The following ASB18 variants were observed in gnomAD, a reference collection of about 807,000 sequenced individuals.
ASB18 encodes the protein ankyrin repeat and SOCS box containing 18, also known as ankyrin repeat and SOCS box protein 18.
Under a neutral mutation model 33.4 loss-of-function variants are expected in ASB18, and 33 were observed. That is an observed-to-expected ratio of 0.99 (90% CI 0.75 to 1.32). ASB18 has a LOEUF of 1.32. Among genes scored for constraint, ASB18 ranks in the 40% most tolerant of loss-of-function variants. The probability of loss-of-function intolerance (pLI) is 0.00; values close to 1 mark genes in which losing one functional copy is unlikely to be tolerated. For missense variants in ASB18, 694 were observed against 655.5 expected (o/e 1.06, Z -0.64); for synonymous variants, 295 against 307.6 (o/e 0.96, Z 0.43).
chr2:236,237,362 G>T lies in ASB18; in HGVS notation c.596+327C>A, dbSNP rs1285440994. On this transcript the variant is annotated intron_variant, in intron 3 of 5. Transcript: ENST00000409749. This position sits in a 1 kb window ranked among gnomAD's most constrained non-coding sequence, Gnocchi z 6.2. The stretch of plus-strand genomic sequence containing the variant: ...GGGGGCCGGGGCCGGGGCGCGGGGC[G>T]GGGGCCGGGGCCGGGGCGCGGGGCG... 1.0e-5 allele frequency among the ~76,000 whole-genome samples: 1 copy of T among 97,592 alleles called. No homozygotes were observed. The highest frequency in any genetic ancestry group is 4.6e-3 in the Middle Eastern group (1 of 216). The allele number at this position is 97,592 out of a possible 152,430, so 64.0% of individuals were successfully genotyped here.
At position 236,260,947 on chromosome 2, in the gene ASB18, A is replaced by T. The variant is rs1352593149; in HGVS notation, c.205+3194T>A. On this transcript the variant is annotated intron_variant, in intron 1 of 5. Coordinates refer to ENST00000409749, the MANE Select transcript of ASB18 (RefSeq NM_212556.4). This position sits in a 1 kb window ranked among gnomAD's most constrained non-coding sequence, Gnocchi z 5.1. ...GTGTGGGAAGCACTAATCTAATCTCATACCCTCGTTAATAAATGGAGACGT... is the reference window on the plus strand; with the variant it reads ...GTGTGGGAAGCACTAATCTAATCTCTTACCCTCGTTAATAAATGGAGACGT... Among the ~76,000 whole-genome samples the T allele has an allele frequency of 6.6e-6, 1 of 152,094 alleles. No homozygotes were observed. The highest frequency in any genetic ancestry group is 2.4e-5 in the African/African-American group (1 of 41,414).
rs146792938 is a variant in ASB18, at chr2:236,257,538, CTG to C, written c.205+6601_205+6602del. On this transcript the variant is annotated intron_variant, in intron 1 of 5. Coordinates refer to ENST00000409749, the MANE Select transcript of ASB18 (RefSeq NM_212556.4). The surrounding 1 kb of genome is among the most constrained non-coding windows in gnomAD (Gnocchi z 5.5). ...TGAGATTGTGTGCACGTGTGCATGA[CTG>C]TGTGTGTGCGTGTGTACATATGCAT... Among the ~76,000 whole-genome samples, 224 of 152,266 alleles carry C rather than the reference CTG, an allele frequency of 1.5e-3. No homozygotes were observed. Among genetic ancestry groups the C allele is most frequent in the Admixed American group, 3.5e-3 (53 of 15,290 alleles).
chr2:236,197,500 TC>T (rs2106261725), intron 4 of ASB18, among the ~76,000 whole-genome samples: 1 of 152,332 alleles, frequency 6.6e-6, no homozygotes, highest in South Asian at 2.1e-4. Context: ...ATGCTGCTCT[TC>T]CTCTGTTTTC....
chr2:236,217,658 G>A lies in ASB18; in HGVS notation c.597-2792C>T, dbSNP rs149267424. Among the ~76,000 whole-genome samples the A allele has an allele frequency of 1.0e-3, 158 of 152,176 alleles. 1 individual carries two copies. Among genetic ancestry groups the A allele is most frequent in the African/African-American group, 3.6e-3 (149 of 41,492 alleles). ...CAAGATCATCCATTGAGGGTTTCCCGGCTGCCCTTAAATCCATTTATATTT... is the reference window on the plus strand; with the variant it reads ...CAAGATCATCCATTGAGGGTTTCCCAGCTGCCCTTAAATCCATTTATATTT... On this transcript the variant is annotated intron_variant, in intron 3 of 5. Transcript: ENST00000409749. The surrounding 1 kb of genome is among the most constrained non-coding windows in gnomAD (Gnocchi z 5.2).
chr2:236,237,981 A>G lies in ASB18; in HGVS notation c.329-25T>C. On this transcript the variant is annotated intron_variant, in intron 2 of 5. Transcript: ENST00000409749. The surrounding 1 kb of genome is among the most constrained non-coding windows in gnomAD (Gnocchi z 6.2). Reference sequence around the variant, plus strand: ...CCTGCGGGGAGGGAGGTGGGATGTAAGGTCAGGGGGAGGTTAGTTGTGGTG... The same window carrying G: ...CCTGCGGGGAGGGAGGTGGGATGTAGGGTCAGGGGGAGGTTAGTTGTGGTG... 1 of 1,474,852 alleles carries G rather than the reference A, an allele frequency of 6.8e-7. No homozygotes were observed. Among genetic ancestry groups the G allele is most frequent in the Non-Finnish European group, 8.9e-7 (1 of 1,121,636 alleles). The allele number at this position is 1,474,852 out of a possible 1,614,324, so 91.4% of individuals were successfully genotyped here.
intron 1 of ASB18, among the ~76,000 whole-genome samples, chr2:236,242,764 C>A (rs2060626838): frequency 6.6e-6 from 1 of 150,610 alleles, no homozygotes; most frequent in South Asian, 2.1e-4. Context: ...CTGTGTCTGG[C>A]CAATCCCAGC....
In ASB18 at chr2:236,262,892, G is replaced by T. The variant is rs1313548058; in HGVS notation, c.205+1249C>A. 6.6e-6 allele frequency among the ~76,000 whole-genome samples: 1 copy of T among 152,140 alleles called. No homozygotes were observed. The highest frequency in any genetic ancestry group is 1.5e-5 in the Non-Finnish European group (1 of 68,022). On this transcript the variant is annotated intron_variant, in intron 1 of 5. Coordinates refer to ENST00000409749, the MANE Select transcript of ASB18 (RefSeq NM_212556.4). The surrounding 1 kb of genome is among the most constrained non-coding windows in gnomAD (Gnocchi z 5.2). ...AAGTAGACCCAAACCAAGGGGGGGG[G>T]GCGGACCCCCTCGGAAGTTCCAATC... is the stretch of plus-strand genomic sequence containing the variant.
rs1051336637 is a variant in ASB18 at position 236,263,940 on chromosome 2, G to A, written c.205+201C>T. On this transcript the variant is annotated intron_variant, in intron 1 of 5. Transcript: ENST00000409749. The surrounding 1 kb of genome is among the most constrained non-coding windows in gnomAD (Gnocchi z 4.0). ...GGTAGGATTAGTTTTTTTGTGTTGT[G>A]TTGCACTTGTTGCTTATGTCGCACA... 3.3e-5 allele frequency among the ~76,000 whole-genome samples: 5 copies of A among 152,098 alleles called. No homozygotes were observed. The highest frequency in any genetic ancestry group is 9.7e-5 in the African/African-American group (4 of 41,384).
chr2:236,210,681 C>G (rs979237736), intron 4 of ASB18: 1 of 152,298 alleles, frequency 6.6e-6, no homozygotes, highest in Non-Finnish European at 1.5e-5. Flanking sequence ...ATGTGCTGGC[C>G]ACGCATGCTG....
In ASB18 at chr2:236,242,666, T is replaced by A. The variant is rs183420818; in HGVS notation, c.206-1264A>T. 1.7e-3 allele frequency among the ~76,000 whole-genome samples: 261 copies of A among 151,864 alleles called. 1 individual carries two copies. Among genetic ancestry groups the A allele is most frequent in the African/African-American group, 6.2e-3 (255 of 41,462 alleles). Reference sequence around the variant, plus strand: ...TTTTTCGTAGAGATGGGCTTTCACCTTGTTGGCCAGGCTGGTCTCAAACTC... The same window carrying A: ...TTTTTCGTAGAGATGGGCTTTCACCATGTTGGCCAGGCTGGTCTCAAACTC... On this transcript the variant is annotated intron_variant, in intron 1 of 5. Transcript: ENST00000409749.
chr2:236,215,310 T>G lies in ASB18; in HGVS notation c.597-444A>C, dbSNP rs1471637249. Among the ~76,000 whole-genome samples the G allele has an allele frequency of 2.0e-5, 3 of 152,084 alleles. No homozygotes were observed. The highest frequency in any genetic ancestry group is 1.3e-4 in the Admixed American group (2 of 15,268). On this transcript the variant is annotated intron_variant, in intron 3 of 5. Transcript: ENST00000409749. The surrounding 1 kb of genome is among the most constrained non-coding windows in gnomAD (Gnocchi z 7.2). Reference sequence around the variant, plus strand: ...CCCATCTAGCCCTTCTGGAAACCGCTCAGCTTTGTGAGGGTGTGAGGCAAG... The same window carrying G: ...CCCATCTAGCCCTTCTGGAAACCGCGCAGCTTTGTGAGGGTGTGAGGCAAG...
Position 236,200,327 on chromosome 2 carries a change from C to T in ASB18, c.1102-3942G>A, listed in dbSNP as rs774021382. Among the ~76,000 whole-genome samples the T allele has an allele frequency of 5.9e-5, 9 of 151,858 alleles. No homozygotes were observed. Among genetic ancestry groups the T allele is most frequent in the South Asian group, 4.2e-4 (2 of 4,786 alleles). The stretch of plus-strand genomic sequence containing the variant: ...TCATGCCACTGCACTCCAGCCTGGG[C>T]GACAGAGCAAGACTCCGTCTAAAAA... On this transcript the variant is annotated intron_variant, in intron 4 of 5. Transcript: ENST00000409749. This position sits in a 1 kb window ranked among gnomAD's most constrained non-coding sequence, Gnocchi z 4.2.
At position 236,228,884 on chromosome 2, in the gene ASB18, A is replaced by C. The variant is rs1284381818; in HGVS notation, c.596+8805T>G. 6.6e-6 allele frequency among the ~76,000 whole-genome samples: 1 copy of C among 152,232 alleles called. No individual in the cohort carries two copies. The highest frequency in any genetic ancestry group is 1.5e-5 in the Non-Finnish European group (1 of 68,038). ...TTACATTCCAGAGCAGAGATCAAGAATATTGACAGGAATACAAAAATATCA... is the reference window on the plus strand; with the variant it reads ...TTACATTCCAGAGCAGAGATCAAGACTATTGACAGGAATACAAAAATATCA... On this transcript the variant is annotated intron_variant, in intron 3 of 5. Coordinates refer to ENST00000409749, the MANE Select transcript of ASB18 (RefSeq NM_212556.4). The surrounding 1 kb of genome is among the most constrained non-coding windows in gnomAD (Gnocchi z 5.1).
chr2:236,226,681 T>C lies in ASB18; in HGVS notation c.596+11008A>G, dbSNP rs1268919609. ...AAGCTTGTTGGCGTCTCTTCAGCAG[T>C]GTTGCAATGATTCACAGCATTTTGT... On this transcript the variant is annotated intron_variant, in intron 3 of 5. Transcript: ENST00000409749. This position sits in a 1 kb window ranked among gnomAD's most constrained non-coding sequence, Gnocchi z 4.8. 6.6e-6 allele frequency among the ~76,000 whole-genome samples: 1 copy of C among 152,212 alleles called. No individual in the cohort carries two copies. Among genetic ancestry groups the C allele is most frequent in the Admixed American group, 6.5e-5 (1 of 15,280 alleles).
chr2:236,234,247 A>G lies in ASB18; in HGVS notation c.596+3442T>C, dbSNP rs962738905. Among the ~76,000 whole-genome samples the G allele has an allele frequency of 1.3e-5, 2 of 152,102 alleles. No individual in the cohort carries two copies. The highest frequency in any genetic ancestry group is 2.4e-5 in the African/African-American group (1 of 41,434). On this transcript the variant is annotated intron_variant, in intron 3 of 5. Transcript: ENST00000409749. This position sits in a 1 kb window ranked among gnomAD's most constrained non-coding sequence, Gnocchi z 4.1. The stretch of plus-strand genomic sequence containing the variant: ...AAGACCCTTGCCCCCTCCCCTGGCT[A>G]TGTCCCCTAGGAGGCTGCTATGAGA...
At position 236,239,643 on chromosome 2, in the gene ASB18, C is replaced by CT. The variant is rs1484615971; in HGVS notation, c.328+1636dup. On this transcript the variant is annotated intron_variant, in intron 2 of 5. Transcript: ENST00000409749. This position sits in a 1 kb window ranked among gnomAD's most constrained non-coding sequence, Gnocchi z 5.6. ...TCCCCCATGTCAGTGCTCTCTATGA[C>CT]TGTGGGCTGGATGGGCCAGCATTCT... Among the ~76,000 whole-genome samples, 2 of 152,206 alleles carry CT rather than the reference C, an allele frequency of 1.3e-5. No homozygotes were observed. The highest frequency in any genetic ancestry group is 4.8e-5 in the African/African-American group (2 of 41,458).
rs1437142359 is a variant in ASB18 at position 236,237,239 on chromosome 2, C to T, written c.596+450G>A. ...TCCAACCCCGCCAGTGGCCTTTTAG[C>T]ATCCCCGGCGCCGGCGGCTGGGCTG... On this transcript the variant is annotated intron_variant, in intron 3 of 5. Coordinates refer to ENST00000409749, the MANE Select transcript of ASB18 (RefSeq NM_212556.4). The surrounding 1 kb of genome is among the most constrained non-coding windows in gnomAD (Gnocchi z 6.2). 6.6e-6 allele frequency among the ~76,000 whole-genome samples: 1 copy of T among 152,034 alleles called. No individual in the cohort carries two copies. Among genetic ancestry groups the T allele is most frequent in the Non-Finnish European group, 1.5e-5 (1 of 67,956 alleles).
rs1270701297 is a variant in ASB18, at chr2:236,214,435, G to T, written c.1028C>A (p.Ala343Asp). ...CGCCTGCACCGTGCGCTGCGGTGAGGCCTGGAGAGCGCAGGATGCGGTCTG... is the reference window on the plus strand; with the variant it reads ...CGCCTGCACCGTGCGCTGCGGTGAGTCCTGGAGAGCGCAGGATGCGGTCTG... ...VLQTASCALQASPQRTVQALL... is the reference protein window; with the variant it reads ...VLQTASCALQDSPQRTVQALL... The change falls in exon 4 of 6, where the codon GCC (alanine) becomes GAC (aspartate). Residue 343 changes from alanine to aspartate, a missense_variant. Transcript: ENST00000409749. This position sits in a 1 kb window ranked among gnomAD's most constrained non-coding sequence, Gnocchi z 6.5. 6.4e-7 allele frequency: 1 copy of T among 1,551,646 alleles called. No individual in the cohort carries two copies. The highest frequency in any genetic ancestry group is 1.2e-5 in the South Asian group (1 of 85,176).
chr2:236,223,086 G>C lies in ASB18; in HGVS notation c.597-8220C>G, dbSNP rs369769093. On this transcript the variant is annotated intron_variant, in intron 3 of 5. Coordinates refer to ENST00000409749, the MANE Select transcript of ASB18 (RefSeq NM_212556.4). This position sits in a 1 kb window ranked among gnomAD's most constrained non-coding sequence, Gnocchi z 4.6. ...TCACTGTGTGGTGTGCCTGCTTGCT[G>C]TTTGCCTTCTGCCATGAGTAAAAAG... Among the ~76,000 whole-genome samples, 29 of 152,308 alleles carry C rather than the reference G, an allele frequency of 1.9e-4. No individual in the cohort carries two copies. The South Asian group carries it at 6.0e-3, about 32-fold the overall frequency.
Sources: allele counts gnomAD v4.1 joint callset (sites outside exome capture counted in the v4.1 genomes callset), GRCh38; gene constraint gnomAD v4.1.1; non-coding constraint Gnocchi (gnomAD v3.1); transcripts MANE v1.5; gene names NCBI Gene and HGNC (gene_info 2026-07-23, HGNC 2026-07-21).